The following SLC8A2 variants were observed in gnomAD, a reference collection of about 807,000 sequenced individuals.
SLC8A2 encodes the protein solute carrier family 8 member A2.
SLC8A2 carries 14 observed loss-of-function variants against 70.2 expected under a neutral mutation model. The observed-to-expected ratio is 0.20, with a 90% CI of 0.13 to 0.31. The LOEUF (loss-of-function observed/expected upper bound fraction) is 0.31, where lower values mean the gene tolerates loss of function less well. Among genes scored for constraint, SLC8A2 ranks in the 10% least tolerant of loss-of-function variants. The pLI is 1.00. For synonymous variants in SLC8A2, 575 were observed against 594.3 expected (o/e 0.97, Z 0.47); for missense variants, 779 against 1,320.1 (o/e 0.59, Z 6.35).
Position 47,432,469 on chromosome 19 carries a change from G to A in SLC8A2, c.2111-24C>T, listed in dbSNP as rs377210001. 24 of 1,553,642 alleles carry A rather than the reference G, an allele frequency of 1.5e-5. No homozygotes were observed. Among genetic ancestry groups the A allele is most frequent in the Admixed American group, 7.3e-5 (4 of 54,880 alleles). Reference sequence around the variant, plus strand: ...CCCTGTGGGCACACGACCCAGCTGGGGCATACACTCAGACTTCCTTCCTTG... The same window carrying A: ...CCCTGTGGGCACACGACCCAGCTGGAGCATACACTCAGACTTCCTTCCTTG... On this transcript the variant is annotated intron_variant, in intron 8 of 9. Coordinates refer to ENST00000236877, the MANE Select transcript of SLC8A2 (RefSeq NM_015063.3). This position sits in a 1 kb window ranked among gnomAD's most constrained non-coding sequence, Gnocchi z 6.2.
chr19:47,448,441 C>T lies in SLC8A2; in HGVS notation c.1341-210G>A, dbSNP rs1967197145. On this transcript the variant is annotated intron_variant, in intron 3 of 9. Transcript: ENST00000236877. This position sits in a 1 kb window ranked among gnomAD's most constrained non-coding sequence, Gnocchi z 4.8. ...GAAGGGCTGCAGAGCGGGAACAAGA[C>T]AGAGTGGGCCCCTCCCCGCGTGGAA... Among the ~76,000 whole-genome samples the T allele has an allele frequency of 6.6e-6, 1 of 152,120 alleles. No homozygotes were observed.
At chr19:47,437,683 G>A (rs1314104465) in intron 7 of SLC8A2, 122 bp from the exon 8 acceptor site, 31 of 1,149,610 alleles carry the variant, frequency 2.7e-5, no homozygotes, top group Non-Finnish European at 3.5e-5. Flanking sequence ...CCACACCCCC[G>A]TTCTGAAGGC....
Position 47,432,952 on chromosome 19 carries a change from C to T in SLC8A2, c.2111-507G>A, listed in dbSNP as rs567790805. On this transcript the variant is annotated intron_variant, in intron 8 of 9. Transcript: ENST00000236877. This position sits in a 1 kb window ranked among gnomAD's most constrained non-coding sequence, Gnocchi z 6.2. Reference sequence around the variant, plus strand: ...CAGCAGCTAAAACCCATTACTTTCCCAGAATCCCTTGAAGCTAGGAGCATG... The same window carrying T: ...CAGCAGCTAAAACCCATTACTTTCCTAGAATCCCTTGAAGCTAGGAGCATG... Among the ~76,000 whole-genome samples, 1 of 152,188 alleles carries T rather than the reference C, an allele frequency of 6.6e-6. No homozygotes were observed. Among genetic ancestry groups the T allele is most frequent in the Admixed American group, 6.5e-5 (1 of 15,300 alleles).
chr19:47,433,898 C>T (rs1031134691), intron 8 of SLC8A2, among the ~76,000 whole-genome samples: 23 of 152,188 alleles, frequency 1.5e-4, no homozygotes, highest in African/African-American at 5.6e-4. Context: ...CCCTCCTAGG[C>T]CTCCCAAAGT....
At chr19:47,435,381 G>A (rs943361343) in intron 8 of SLC8A2, among the ~76,000 whole-genome samples, 7 of 151,898 alleles carry the variant, frequency 4.6e-5, no homozygotes, top group African/African-American at 1.5e-4. Flanking sequence ...CTCTACGACC[G>A]CCACCTCCCA....
Position 47,447,695 on chromosome 19 carries a change from C to G in SLC8A2, c.1763+114G>C, listed in dbSNP as rs1599851106. 5 of 1,195,534 alleles carry G rather than the reference C, an allele frequency of 4.2e-6. No homozygotes were observed. Among genetic ancestry groups the G allele is most frequent in the Non-Finnish European group, 5.6e-6 (5 of 899,150 alleles). 74.1% of individuals were successfully genotyped at this position (1,195,534 alleles called of 1,614,324 possible). A position where few individuals can be genotyped will look rare whatever the true frequency, so the allele number is the denominator to read the frequency against. ...AGGCCCCTCCCCTCCCGAGGCCCAA[C>G]CAAGACCCGCCCACTATGTGGGCAT... On this transcript the variant is annotated intron_variant, in intron 4 of 9. Transcript: ENST00000236877. This position sits in a 1 kb window ranked among gnomAD's most constrained non-coding sequence, Gnocchi z 5.1.
chr19:47,442,176 G>T (rs1967107617), intron 4 of SLC8A2, among the ~76,000 whole-genome samples: 1 of 152,072 alleles, frequency 6.6e-6, no homozygotes. Flanking sequence ...ACTTACAACT[G>T]TCAGAATCCA....
intron 1 of SLC8A2, among the ~76,000 whole-genome samples, chr19:47,470,965 G>C (rs1244186916): frequency 1.3e-5 from 2 of 151,850 alleles, no homozygotes; most frequent in East Asian, 1.9e-4. Context: ...CTCTGCGGGT[G>C]GGGGGGTCTA....
rs1967462241 is a variant in SLC8A2, at chr19:47,466,406, G to T, written c.-3C>A. On this transcript the variant is annotated 5_prime_UTR_variant, in exon 2 of 10. Transcript: ENST00000236877. The surrounding 1 kb of genome is among the most constrained non-coding windows in gnomAD (Gnocchi z 6.9). ...CCCACCAAGGCCAGGGGAGCCATGG[G>T]GGGTGGTGGGGTCCTATGGGGGAGG... is the stretch of plus-strand genomic sequence containing the variant. 1 of 1,335,886 alleles carries T rather than the reference G, an allele frequency of 7.5e-7. No homozygotes were observed. Among genetic ancestry groups the T allele is most frequent in the Non-Finnish European group, 9.9e-7 (1 of 1,008,088 alleles). 82.8% of individuals were successfully genotyped at this position (1,335,886 alleles called of 1,614,324 possible). A position where few individuals can be genotyped will look rare whatever the true frequency, so the allele number is the denominator to read the frequency against.
At chr19:47,467,013 C>A (rs139540427) in intron 1 of SLC8A2, among the ~76,000 whole-genome samples, 1 of 152,056 alleles carries the variant, frequency 6.6e-6, no homozygotes, top group Admixed American at 6.5e-5. Context: ...GCTGAGATGG[C>A]GCTACTGTAC....
chr19:47,435,285 ATGT>A (rs1001625060), intron 8 of SLC8A2, among the ~76,000 whole-genome samples: 1 of 151,946 alleles, frequency 6.6e-6, no homozygotes, highest in Non-Finnish European at 1.5e-5. Context: ...TATTATTGTT[ATGT>A]TGTTATTCTT....
Position 47,447,655 on chromosome 19 carries a change from C to T in SLC8A2, c.1763+154G>A, listed in dbSNP as rs1056652359. The T allele has an allele frequency of 2.7e-5, 19 of 695,952 alleles. No homozygotes were observed. Among genetic ancestry groups the T allele is most frequent in the Non-Finnish European group, 3.6e-5 (16 of 450,524 alleles). 43.1% of individuals were successfully genotyped at this position (695,952 alleles called of 1,614,324 possible). On this transcript the variant is annotated intron_variant, in intron 4 of 9. Coordinates refer to ENST00000236877, the MANE Select transcript of SLC8A2 (RefSeq NM_015063.3). This position sits in a 1 kb window ranked among gnomAD's most constrained non-coding sequence, Gnocchi z 5.1. ...TGGGTCACAGGCCCCGCCCACGTTG[C>T]GGGCACGGCCACGCAGGCCCCTCCC... is the stretch of plus-strand genomic sequence containing the variant.
Position 47,457,067 on chromosome 19 carries a change from G to T in SLC8A2, c.1203C>A (p.Ser401Arg), listed in dbSNP as rs1290529587. ...DGASRIFFEPSLYHCLENCGS... is the reference protein window; with the variant it reads ...DGASRIFFEPRLYHCLENCGS... ...CGCAGTTCTCCAGGCAGTGGTAGAGGCTAGGCTCGAAGAAGATGCGGCTGG... is the reference window on the plus strand; with the variant it reads ...CGCAGTTCTCCAGGCAGTGGTAGAGTCTAGGCTCGAAGAAGATGCGGCTGG... Residue 401 changes from serine (S) to arginine (R), a missense_variant, in exon 3 of 10, where the codon AGC becomes AGA. By Grantham distance (110) the Ser-to-Arg change is moderately radical. Coordinates refer to ENST00000236877, the MANE Select transcript of SLC8A2 (RefSeq NM_015063.3). 2.5e-6 allele frequency: 4 copies of T among 1,595,174 alleles called. No homozygotes were observed. In the South Asian group the frequency reaches 3.4e-5, roughly 13 times the overall value.
At chr19:47,435,626 G>A (rs1011354875) in intron 8 of SLC8A2, among the ~76,000 whole-genome samples, 6 of 147,492 alleles carry the variant, frequency 4.1e-5, no homozygotes, top group East Asian at 2.0e-4. Flanking sequence ...TCGGCTCACC[G>A]CAACCTCTGC....
At position 47,470,854 on chromosome 19, in the gene SLC8A2, G is replaced by A. The variant is rs575993246; in HGVS notation, c.-17+935C>T. On this transcript the variant is annotated intron_variant, in intron 1 of 9. Coordinates refer to ENST00000236877, the MANE Select transcript of SLC8A2 (RefSeq NM_015063.3). ...GGGGAGGTGGGCTCGGTCCTCAGGG[G>A]AGAGCTGGGGTGGGTGCCGGCTGGG... Among the ~76,000 whole-genome samples the A allele has an allele frequency of 2.6e-5, 4 of 152,248 alleles. No individual in the cohort carries two copies. In the East Asian group the frequency reaches 7.7e-4, roughly 29 times the overall value.
At chr19:47,469,498 G>C (rs546841668) in intron 1 of SLC8A2, among the ~76,000 whole-genome samples, 1 of 152,318 alleles carries the variant, frequency 6.6e-6, no homozygotes, top group South Asian at 2.1e-4. Context: ...ACAGCCAGGT[G>C]ATGCGGGTTC....
intron 4 of SLC8A2, among the ~76,000 whole-genome samples, chr19:47,444,701 G>A (rs1054959848): frequency 2.6e-5 from 4 of 152,146 alleles, no homozygotes; most frequent in Non-Finnish European, 5.9e-5. Flanking sequence ...ACTGCGCCTG[G>A]CAGGCGCACC....
chr19:47,456,917 C>T lies in SLC8A2; in HGVS notation c.1340+13G>A. On this transcript the variant is annotated intron_variant, in intron 3 of 9. Transcript: ENST00000236877. ...GCCAGCCCCCTGCACACCCCCCACC[C>T]CGGGGGACCCACCTGTACTCGTAGT... 3 of 1,578,422 alleles carry T rather than the reference C, an allele frequency of 1.9e-6. No individual in the cohort carries two copies. Among genetic ancestry groups the T allele is most frequent in the Non-Finnish European group, 2.6e-6 (3 of 1,163,450 alleles).
At chr19:47,437,688 G>C in intron 7 of SLC8A2, 127 bp from the exon 8 acceptor site, 1 of 1,161,262 alleles carries the variant, frequency 8.6e-7, no homozygotes, top group Non-Finnish European at 1.3e-6. Context: ...CCCCCGTTCT[G>C]AAGGCAAGCA....
Sources: gnomAD v4.1 joint callset for allele counts (sites outside exome capture counted in the v4.1 genomes callset) on GRCh38, gnomAD v4.1.1 for gene constraint, Gnocchi (gnomAD v3.1) non-coding constraint, MANE v1.5 for transcripts, NCBI Gene and HGNC (gene_info 2026-07-23, HGNC 2026-07-21) for gene names.